The following LRGUK variants were observed in gnomAD, a reference collection of about 807,000 sequenced individuals.
LRGUK encodes the protein leucine-rich repeat and guanylate kinase domain-containing protein.
A neutral mutation model predicts 76.0 loss-of-function variants in LRGUK; 65 were observed. The observed-to-expected ratio is 0.85, with a 90% CI of 0.70 to 1.05. The LOEUF is 1.05. Among genes scored for constraint, LRGUK ranks in the 50% least tolerant of loss-of-function variants. The probability of loss-of-function intolerance (pLI) is 0.00; values close to 1 mark genes in which losing one functional copy is unlikely to be tolerated. For missense variants in LRGUK, 758 were observed against 732.8 expected (o/e 1.03, Z -0.40); for synonymous variants, 268 against 265.6 (o/e 1.01, Z -0.09).
At chr7:134,269,873 A>T in the LRGUK span, among the ~76,000 whole-genome samples, 1 of 152,218 alleles carries the variant, frequency 6.6e-6, no homozygotes, top group Non-Finnish European at 1.5e-5. Flanking sequence ...ATATAAATTG[A>T]TGCAGAAAAA....
At chr7:134,158,576 T>G (rs913236810) in intron 6 of LRGUK, among the ~76,000 whole-genome samples, 2 of 152,228 alleles carry the variant, frequency 1.3e-5, no homozygotes, top group Non-Finnish European at 2.9e-5. Context: ...CCACAAGATG[T>G]TTTCTGGGCA....
chr7:134,203,816 G>C (rs1800889557), intron 15 of LRGUK, among the ~76,000 whole-genome samples: 1 of 152,152 alleles, frequency 6.6e-6, no homozygotes, highest in East Asian at 1.9e-4. Flanking sequence ...TATGGAGAAG[G>C]GCTGTGAGTG....
chr7:134,179,230 T>C (rs991403833), intron 10 of LRGUK, among the ~76,000 whole-genome samples: 2 of 152,220 alleles, frequency 1.3e-5, no homozygotes, highest in Non-Finnish European at 2.9e-5. Context: ...CTCTCACCTC[T>C]GAATTCGAAG....
intron 11 of LRGUK, among the ~76,000 whole-genome samples, chr7:134,185,515 G>A (rs950042166): frequency 2.7e-5 from 4 of 150,798 alleles, no homozygotes; most frequent in Non-Finnish European, 4.4e-5. Context: ...GCAACAGAGC[G>A]AGACTCTGTC....
chr7:134,263,704 T>C, intron 19 of LRGUK, 141 bp from the exon 20 acceptor site: 1 of 663,108 alleles, frequency 1.5e-6, no homozygotes, highest in Non-Finnish European at 2.2e-6. Flanking sequence ...TGTAAGCCAC[T>C]GCACCTGGCC....
Position 134,263,627 on chromosome 7 carries a change from T to C in LRGUK, c.2348-218T>C, listed in dbSNP as rs890296434. On this transcript the variant is annotated intron_variant, in intron 19 of 19. Transcript: ENST00000285928. ...TTCCTTGAATGTCATTTCTTTCTTTTTTTTTTTTTTTTTTTTGGCCTCAAG... is the reference window on the plus strand; with the variant it reads ...TTCCTTGAATGTCATTTCTTTCTTTCTTTTTTTTTTTTTTTTGGCCTCAAG... Among the ~76,000 whole-genome samples the C allele has an allele frequency of 1.7e-4, 25 of 147,526 alleles. No individual in the cohort carries two copies. In the East Asian group the frequency reaches 2.2e-3, roughly 13 times the overall value.
intron 18 of LRGUK, among the ~76,000 whole-genome samples, chr7:134,256,554 T>C (rs1802590057): frequency 1.3e-5 from 2 of 152,120 alleles, no homozygotes; most frequent in Admixed American, 6.5e-5. Flanking sequence ...TTACTTTGAC[T>C]GAGAAGCATT....
In LRGUK at chr7:134,190,601, T is replaced by C. The variant is rs1291702565; in HGVS notation, c.1335-1054T>C. Among the ~76,000 whole-genome samples, 2 of 152,216 alleles carry C rather than the reference T, an allele frequency of 1.3e-5. 1 individual carries two copies. The highest frequency in any genetic ancestry group is 4.8e-5 in the African/African-American group (2 of 41,446). ...AGGCAGAATTATATGAACTCAAGAG[T>C]CCTGGTGGTTGGGACCACCATATTC... On this transcript the variant is annotated intron_variant, in intron 11 of 15. Transcript: ENST00000645682.
intron 18 of LRGUK, among the ~76,000 whole-genome samples, chr7:134,257,810 CAA>C (rs374182050): frequency 7.0e-6 from 1 of 142,246 alleles, no homozygotes; most frequent in Admixed American, 7.0e-5. Context: ...TCTCCAAAAA[CAA>C]AAAAAAAAAG....
chr7:134,214,345 C>G (rs1230136732), downstream of LRGUK, among the ~76,000 whole-genome samples: 1 of 152,032 alleles, frequency 6.6e-6, no homozygotes, highest in Non-Finnish European at 1.5e-5. Flanking sequence ...TTCTGGGGCA[C>G]AGTTTTACAA....
At chr7:134,276,622 GA>G in the LRGUK span, among the ~76,000 whole-genome samples, 13 of 149,870 alleles carry the variant, frequency 8.7e-5, 1 homozygote, top group South Asian at 2.1e-4. Context: ...AAATAGAAAG[GA>G]AAAAAAAAGA....
chr7:134,163,882 G>T (rs1798862982), intron 7 of LRGUK, among the ~76,000 whole-genome samples: 1 of 152,132 alleles, frequency 6.6e-6, no homozygotes, highest in South Asian at 2.1e-4. Context: ...AAGGAGGTTG[G>T]AGATATAAGA....
the LRGUK span, among the ~76,000 whole-genome samples, chr7:134,273,510 ACT>A: frequency 6.7e-6 from 1 of 148,226 alleles, no homozygotes. Flanking sequence ...CAGGCATTGC[ACT>A]TTTTTTTTTT....
chr7:134,130,815 T>C (rs1217378785), intron 1 of LRGUK, among the ~76,000 whole-genome samples: 1 of 152,180 alleles, frequency 6.6e-6, no homozygotes, highest in African/African-American at 2.4e-5. Flanking sequence ...GAATCAAAGA[T>C]TTGTGTTTGA....
At chr7:134,158,314 T>TTG (rs947182265) in intron 6 of LRGUK, among the ~76,000 whole-genome samples, 155 bp downstream of exon 6, 9 of 151,518 alleles carry the variant, frequency 5.9e-5, no homozygotes, top group Admixed American at 1.3e-4. Context: ...TCTTTACCAT[T>TTG]TGTGTGTGTG....
chr7:134,170,346 T>G (rs1007833427), intron 7 of LRGUK, among the ~76,000 whole-genome samples: 2 of 152,102 alleles, frequency 1.3e-5, no homozygotes, highest in African/African-American at 4.8e-5. Flanking sequence ...TGTTAGGTGT[T>G]CACCTAAACT....
At chr7:134,189,539 C>T (rs1800112561) in intron 11 of LRGUK, among the ~76,000 whole-genome samples, 1 of 152,132 alleles carries the variant, frequency 6.6e-6, no homozygotes, top group Non-Finnish European at 1.5e-5. Context: ...TCAGTGGAGC[C>T]ATGTCTTTAT....
downstream of LRGUK, among the ~76,000 whole-genome samples, chr7:134,210,912 AG>A (rs1480409492): frequency 6.6e-6 from 1 of 152,226 alleles, no homozygotes. Context: ...ACTGTGGAGC[AG>A]GGCAGCTGGA....
exon 14 of LRGUK, chr7:134,199,405 TGAG>T (rs1157141349): frequency 6.2e-6 from 10 of 1,613,356 alleles, no homozygotes; most frequent in Non-Finnish European, 8.5e-6. Context: ...GATATTTTGA[TGAG>T]GTAATCAATG....
Sources: allele counts gnomAD v4.1 joint callset (sites outside exome capture counted in the v4.1 genomes callset), GRCh38; gene constraint gnomAD v4.1.1; transcripts MANE v1.5; gene names NCBI Gene and HGNC (gene_info 2026-07-23, HGNC 2026-07-21).